STXBP5L: variants seen among roughly 807,000 people sequenced by gnomAD.
The protein encoded by STXBP5L is syntaxin-binding protein 5-like.
A neutral mutation model predicts 144.5 loss-of-function variants in STXBP5L; 65 were observed. That is an observed-to-expected ratio of 0.45 (90% confidence interval 0.37 to 0.55). The LOEUF is 0.55. STXBP5L is among the 20% of genes least tolerant of loss of function. The pLI is 0.00. For missense variants in STXBP5L, 1,298 were observed against 1,405.5 expected (o/e 0.92, Z 1.22); for synonymous variants, 505 against 469.6 (o/e 1.08, Z -0.97).
chr3:121,108,632 G>A (rs2043826160), intron 5 of STXBP5L, among the ~76,000 whole-genome samples: 2 of 152,004 alleles, frequency 1.3e-5, no homozygotes, highest in Admixed American at 1.3e-4. Context: ...TTTTATTGAG[G>A]GTTTTTGCAT....
chr3:120,966,506 CT>C (rs1294230921), intron 3 of STXBP5L, among the ~76,000 whole-genome samples: 1 of 152,140 alleles, frequency 6.6e-6, no homozygotes, highest in Non-Finnish European at 1.5e-5. Context: ...CTATTCCTTT[CT>C]GTTTGTTAGT....
intron 8 of STXBP5L, among the ~76,000 whole-genome samples, chr3:121,153,794 TATC>T (rs2046017967): frequency 6.6e-6 from 1 of 152,052 alleles, no homozygotes; most frequent in African/African-American, 2.4e-5. Context: ...TGATAAGTAA[TATC>T]ATGCAGTTAT....
intron 19 of STXBP5L, among the ~76,000 whole-genome samples, chr3:121,318,266 T>G (rs1232128034): frequency 1.3e-5 from 2 of 151,810 alleles, no homozygotes; most frequent in Non-Finnish European, 2.9e-5. Flanking sequence ...AAGACCAACC[T>G]GGGCAACATA....
At chr3:121,087,766 T>C (rs539400965) in intron 5 of STXBP5L, among the ~76,000 whole-genome samples, 14 of 152,184 alleles carry the variant, frequency 9.2e-5, no homozygotes, top group Non-Finnish European at 1.8e-4. Context: ...CTTTCTGTGG[T>C]TTAATTGAAC....
chr3:121,106,395 C>G (rs2043709365), intron 5 of STXBP5L, among the ~76,000 whole-genome samples: 1 of 152,044 alleles, frequency 6.6e-6, no homozygotes, highest in Non-Finnish European at 1.5e-5. Flanking sequence ...TATTATGACA[C>G]TTTCCCTCCC....
At position 121,252,166 on chromosome 3, in the gene STXBP5L, C is replaced by T. The variant is rs1210220389; in HGVS notation, c.1441+1403C>T. On this transcript the variant is annotated intron_variant, in intron 15 of 26. Coordinates refer to ENST00000471454, the MANE Select transcript of STXBP5L (RefSeq NM_001308330.2). The stretch of plus-strand genomic sequence containing the variant: ...CCTGAGCTCAGGAGTTCAGAACCAG[C>T]CTGGGCAACACGGTGAAACCCTGTC... Among the ~76,000 whole-genome samples the T allele has an allele frequency of 2.0e-5, 3 of 152,128 alleles. No individual in the cohort carries two copies. The South Asian group carries it at 6.2e-4, about 32-fold the overall frequency.
intron 5 of STXBP5L, 39 bp downstream of exon 5, chr3:121,045,574 C>T (rs768845225): frequency 2.6e-6 from 4 of 1,561,692 alleles, no homozygotes; most frequent in African/African-American, 2.7e-5. Context: ...TAATGTACAA[C>T]AAAATTATTT....
intron 18 of STXBP5L, among the ~76,000 whole-genome samples, chr3:121,274,261 C>G (rs1377706842): frequency 1.3e-5 from 2 of 152,136 alleles, no homozygotes; most frequent in African/African-American, 4.8e-5. Flanking sequence ...ACAAGGGCAC[C>G]AGCTGGATGG....
intron 7 of STXBP5L, among the ~76,000 whole-genome samples, chr3:121,150,859 G>C (rs2045907102): frequency 6.6e-6 from 1 of 151,988 alleles, no homozygotes; most frequent in Non-Finnish European, 1.5e-5. Context: ...AGGCCAAGAG[G>C]GGCAGATCAC....
chr3:121,058,296 G>T (rs1200780769), intron 5 of STXBP5L, among the ~76,000 whole-genome samples: 3 of 152,304 alleles, frequency 2.0e-5, no homozygotes, highest in South Asian at 2.1e-4. Context: ...CCCTGCAAAA[G>T]ACATGAACTA....
rs1202051708 is a variant in STXBP5L, at chr3:121,138,977, TGTTA to T, written c.670-13495_670-13492del. Among the ~76,000 whole-genome samples the T allele has an allele frequency of 2.0e-5, 3 of 151,844 alleles. No individual in the cohort carries two copies. In the East Asian group the frequency reaches 5.8e-4, roughly 29 times the overall value. On this transcript the variant is annotated intron_variant, in intron 7 of 26. Coordinates refer to ENST00000471454, the MANE Select transcript of STXBP5L (RefSeq NM_001308330.2). ...GTGAAAAGACAATCTACAAGTGAAATGTTAGTTATAGAAAAATAAATATGTTCTT... is the reference window on the plus strand; with the variant it reads ...GTGAAAAGACAATCTACAAGTGAAATGTTATAGAAAAATAAATATGTTCTT...
At chr3:120,938,865 C>T (rs1345548584) in intron 2 of STXBP5L, among the ~76,000 whole-genome samples, 4 of 152,068 alleles carry the variant, frequency 2.6e-5, no homozygotes, top group Non-Finnish European at 4.4e-5. Context: ...ACTGCAGTGT[C>T]GAACTCCTGG....
At chr3:121,192,248 G>A (rs1053375904) in intron 9 of STXBP5L, among the ~76,000 whole-genome samples, 2 of 152,018 alleles carry the variant, frequency 1.3e-5, no homozygotes, top group African/African-American at 2.4e-5. Flanking sequence ...AAAACACCTA[G>A]GCATACAACT....
At chr3:121,065,144 A>T (rs1576833409) in intron 5 of STXBP5L, among the ~76,000 whole-genome samples, 1 of 151,298 alleles carries the variant, frequency 6.6e-6, no homozygotes, top group East Asian at 1.9e-4. Context: ...TCCACTGTTG[A>T]TGGGCACTTG....
intron 3 of STXBP5L, among the ~76,000 whole-genome samples, chr3:120,988,759 A>T (rs570677635): frequency 5.9e-5 from 9 of 152,188 alleles, no homozygotes; most frequent in African/African-American, 1.2e-4. Context: ...TAGTGTAGCC[A>T]TCACAAATAG....
At chr3:121,241,206 A>C (rs1012801448) in intron 14 of STXBP5L, among the ~76,000 whole-genome samples, 45 of 152,164 alleles carry the variant, frequency 3.0e-4, no homozygotes, top group African/African-American at 1.0e-3. Context: ...TATATCCCAG[A>C]ATTAGAGCTA....
intron 20 of STXBP5L, among the ~76,000 whole-genome samples, chr3:121,349,518 A>C (rs573785361): frequency 1.3e-5 from 2 of 151,556 alleles, no homozygotes; most frequent in African/African-American, 2.4e-5. Context: ...ATCCTTGTTA[A>C]CTTTCTGTCT....
chr3:120,978,792 A>C (rs950788159), intron 3 of STXBP5L, among the ~76,000 whole-genome samples: 5 of 151,950 alleles, frequency 3.3e-5, no homozygotes, highest in Admixed American at 1.3e-4. Context: ...GGTCTGTTGG[A>C]GTTTGCTAGA....
At chr3:121,120,968 G>T (rs1019722076) in intron 6 of STXBP5L, among the ~76,000 whole-genome samples, 1 of 151,090 alleles carries the variant, frequency 6.6e-6, no homozygotes, top group Non-Finnish European at 1.5e-5. Context: ...ATAGAAACAT[G>T]CCAGATATGA....
Sources: gnomAD v4.1 joint callset for allele counts (sites outside exome capture counted in the v4.1 genomes callset) on GRCh38, gnomAD v4.1.1 for gene constraint, MANE v1.5 for transcripts, NCBI Gene and HGNC (gene_info 2026-07-23, HGNC 2026-07-21) for gene names.